Variants in KDM4C observed in about 807,000 individuals in gnomAD.
KDM4C encodes the protein lysine-specific demethylase 4C.
A neutral mutation model predicts 129.3 loss-of-function variants in KDM4C; 81 were observed. The observed-to-expected ratio is 0.63, with a 90% confidence interval of 0.52 to 0.75. The LOEUF is 0.75. Among genes scored for constraint, KDM4C ranks in the 30% least tolerant of loss-of-function variants. The probability of loss-of-function intolerance (pLI) is 0.00; values close to 1 mark genes in which losing one functional copy is unlikely to be tolerated. For missense variants in KDM4C, 1,457 were observed against 1,304.0 expected, an observed-to-expected ratio of 1.12 and a Z score of -1.81; for synonymous variants, 573 against 456.1, an observed-to-expected ratio of 1.26 and a Z score of -3.26.
At chr9:6,767,494 G>A (rs1266744784) in intron 1 of KDM4C, among the ~76,000 whole-genome samples, 1 of 151,630 alleles carries the variant, frequency 6.6e-6, no homozygotes, top group Non-Finnish European at 1.5e-5. Flanking sequence ...CAGTGCAATG[G>A]CATGATCTCG....
At chr9:7,081,156 G>A (rs1002037768) in intron 17 of KDM4C, among the ~76,000 whole-genome samples, 3 of 152,082 alleles carry the variant, frequency 2.0e-5, no homozygotes, top group Non-Finnish European at 4.4e-5. Context: ...ATGTGGAGGG[G>A]GATTACTTCA....
intron 5 of KDM4C, among the ~76,000 whole-genome samples, chr9:6,878,496 A>G (rs1843918458): frequency 6.6e-6 from 1 of 152,180 alleles, no homozygotes. Context: ...AGGAGATTGA[A>G]TTGGTATGAT....
chr9:7,167,439 A>G (rs1844503880), intron 20 of KDM4C, among the ~76,000 whole-genome samples: 1 of 152,200 alleles, frequency 6.6e-6, no homozygotes, highest in South Asian at 2.1e-4. Flanking sequence ...AAACAAATGA[A>G]AGTAGGCACA....
chr9:6,818,649 A>T (rs958262750), intron 4 of KDM4C, among the ~76,000 whole-genome samples: 3 of 152,206 alleles, frequency 2.0e-5, no homozygotes, highest in Admixed American at 1.3e-4. Flanking sequence ...TCCTTAAGGA[A>T]TGTGGCATCT....
At chr9:7,018,483 C>T (rs993254813) in intron 15 of KDM4C, among the ~76,000 whole-genome samples, 9 of 147,680 alleles carry the variant, frequency 6.1e-5, no homozygotes, top group Non-Finnish European at 1.1e-4. Flanking sequence ...TATATAGGTC[C>T]TATTCCTAGT....
chr9:6,870,764 AAAACAGCAACAAC>A (rs770754519), intron 5 of KDM4C, among the ~76,000 whole-genome samples: 44 of 152,214 alleles, frequency 2.9e-4, no homozygotes, highest in Admixed American at 1.2e-3. Context: ...GATTGTGAGC[AAAACAGCAACAAC>A]AAGCAGAAAC....
chr9:7,058,926 T>C (rs1297654348), intron 17 of KDM4C, among the ~76,000 whole-genome samples: 6 of 152,234 alleles, frequency 3.9e-5, no homozygotes. Context: ...GCAGACATTT[T>C]CTAAAAAGTG....
At chr9:6,787,983 T>C (rs1825821904) in intron 1 of KDM4C, among the ~76,000 whole-genome samples, 1 of 152,242 alleles carries the variant, frequency 6.6e-6, no homozygotes, top group African/African-American at 2.4e-5. Flanking sequence ...CCTTGCTTAC[T>C]GAGTTCCAGC....
intron 18 of KDM4C, among the ~76,000 whole-genome samples, chr9:7,127,610 A>T (rs2133343903): frequency 6.6e-6 from 1 of 152,356 alleles, no homozygotes; most frequent in East Asian, 1.9e-4. Context: ...ACTTGACTCT[A>T]GACTGGATTC....
At chr9:7,006,125 A>T (rs1003512768) in intron 12 of KDM4C, among the ~76,000 whole-genome samples, 7 of 152,230 alleles carry the variant, frequency 4.6e-5, no homozygotes, top group Non-Finnish European at 8.8e-5. Flanking sequence ...TCTCAGTGTG[A>T]CCCTCACCTT....
intron 1 of KDM4C, among the ~76,000 whole-genome samples, chr9:6,790,089 A>G (rs1427161101): frequency 6.7e-6 from 1 of 149,782 alleles, no homozygotes; most frequent in Non-Finnish European, 1.5e-5. Context: ...AGCCTGGCCA[A>G]CATGGCGAAA....
At chr9:7,096,729 T>C (rs6477154) in intron 17 of KDM4C, among the ~76,000 whole-genome samples, 62,912 of 151,914 alleles carry the variant, frequency 0.41, 13,785 homozygotes, top group African/African-American at 0.55. Context: ...GACAAAGAGA[T>C]GTGCCTGACC....
chr9:6,756,197 A>G (rs923400105), upstream of KDM4C, among the ~76,000 whole-genome samples: 1 of 152,238 alleles, frequency 6.6e-6, no homozygotes, highest in Admixed American at 6.5e-5. Context: ...CCACATCTGT[A>G]ACAATGAGGT....
chr9:6,824,324 T>G (rs1378142373), intron 4 of KDM4C, among the ~76,000 whole-genome samples: 1 of 152,152 alleles, frequency 6.6e-6, no homozygotes, highest in Non-Finnish European at 1.5e-5. Context: ...GTGCATGGCA[T>G]TGGAAAAATA....
intron 5 of KDM4C, among the ~76,000 whole-genome samples, chr9:6,869,068 T>G (rs534981686): frequency 1.3e-5 from 2 of 152,332 alleles, no homozygotes; most frequent in East Asian, 3.9e-4. Flanking sequence ...GGGAATTAAT[T>G]TACATGTATA....
chr9:7,019,686 T>TTATAAAAATATATTTTTATA (rs1824307933), intron 15 of KDM4C, among the ~76,000 whole-genome samples: 1 of 58,600 alleles, frequency 1.7e-5, no homozygotes, highest in Non-Finnish European at 4.2e-5. Flanking sequence ...AGAGACTATA[T>TTATAAAAATATATTTTTATA]TATAAAAATA....
chr9:7,126,879 AAAG>A (rs1266306918), intron 18 of KDM4C, among the ~76,000 whole-genome samples: 6 of 152,140 alleles, frequency 3.9e-5, no homozygotes, highest in African/African-American at 1.4e-4. Flanking sequence ...AAAAAGAAAG[AAAG>A]AAAGATCACA....
At chr9:7,042,510 G>A (rs182995491) in intron 15 of KDM4C, among the ~76,000 whole-genome samples, 58 of 152,132 alleles carry the variant, frequency 3.8e-4, no homozygotes, top group Non-Finnish European at 2.6e-4. Context: ...ATATGCTGTC[G>A]GGTAACACAA....
chr9:6,886,504 T>TG (rs535065129), intron 6 of KDM4C, among the ~76,000 whole-genome samples: 24 of 149,924 alleles, frequency 1.6e-4, no homozygotes, highest in Non-Finnish European at 2.8e-4. Context: ...TTTTCCTTTT[T>TG]TTTTTTTTGA....
Sources: allele counts gnomAD v4.1 joint callset (sites outside exome capture counted in the v4.1 genomes callset), GRCh38; gene constraint gnomAD v4.1.1; transcripts MANE v1.5; gene names NCBI Gene and HGNC (gene_info 2026-07-23, HGNC 2026-07-21).